The following SPAG16 variants were observed in gnomAD, a reference collection of about 807,000 sequenced individuals.
SPAG16 encodes the protein sperm associated antigen 16, also known as sperm-associated antigen 16 protein.
In SPAG16, 86 loss-of-function variants were observed where a neutral mutation model predicts 80.4. That is an observed-to-expected ratio of 1.07 (90% CI 0.90 to 1.28). The LOEUF is 1.28. Ranked by LOEUF, SPAG16 falls within the 50% of genes most tolerant of loss-of-function variation. The pLI is 0.00. For synonymous variants in SPAG16, 294 were observed against 265.9 expected (o/e 1.11, Z -1.03); for missense variants, 870 against 765.3 (o/e 1.14, Z -1.61).
rs58070679 is a variant in SPAG16, at chr2:213,728,876, C to CAA, written c.1071-133565_1071-133564dup. On this transcript the variant is annotated intron_variant, in intron 10 of 15. Transcript: ENST00000331683. The stretch of plus-strand genomic sequence containing the variant: ...TGGGCGACAGAGTGAGACTCCGTCT[C>CAA]AAAAAAAAAAAAAAAAAAAAAAAAA... Among the ~76,000 whole-genome samples, 45 of 58,462 alleles carry CAA rather than the reference C, an allele frequency of 7.7e-4. 1 individual carries two copies. Among genetic ancestry groups the CAA allele is most frequent in the African/African-American group, 1.4e-3 (17 of 11,990 alleles). The allele number at this position is 58,462 out of a possible 152,430, so 38.4% of individuals were successfully genotyped here. A position where few individuals can be genotyped will look rare whatever the true frequency, so the allele number is the denominator to read the frequency against.
intron 12 of SPAG16, among the ~76,000 whole-genome samples, chr2:213,974,151 T>C (rs2045235422): frequency 6.6e-6 from 1 of 152,116 alleles, no homozygotes; most frequent in South Asian, 2.1e-4. Context: ...TGTAGAGTTT[T>C]GGTGGAAGAT....
intron 15 of SPAG16, among the ~76,000 whole-genome samples, chr2:214,251,251 G>A (rs1290872287): frequency 6.8e-6 from 1 of 147,038 alleles, no homozygotes; most frequent in Non-Finnish European, 1.5e-5. Context: ...GTAAATCTAA[G>A]GCTACAGATT....
intron 10 of SPAG16, among the ~76,000 whole-genome samples, chr2:213,566,928 G>T (rs1488369398): frequency 6.6e-6 from 1 of 152,098 alleles, no homozygotes; most frequent in Non-Finnish European, 1.5e-5. Context: ...CACATCTTTT[G>T]ACTCTAGCAC....
chr2:213,392,110 C>T (rs370177875), intron 9 of SPAG16, among the ~76,000 whole-genome samples: 10 of 152,114 alleles, frequency 6.6e-5, no homozygotes, highest in East Asian at 3.8e-4. Context: ...GTAATTTAAA[C>T]GTAACCATAT....
chr2:213,338,036 A>G (rs1318864086), intron 5 of SPAG16, among the ~76,000 whole-genome samples: 2 of 152,196 alleles, frequency 1.3e-5, no homozygotes, highest in Non-Finnish European at 1.5e-5. Flanking sequence ...CAGAAACCCT[A>G]CAAGCCAGAA....
intron 10 of SPAG16, among the ~76,000 whole-genome samples, chr2:213,857,262 T>C (rs1483514477): frequency 1.3e-5 from 2 of 152,162 alleles, no homozygotes; most frequent in African/African-American, 4.8e-5. Context: ...CAGCCCTTTA[T>C]TGGAAGAACA....
chr2:214,010,237 T>C lies in SPAG16; in HGVS notation c.1401-3714T>C, dbSNP rs781190823. Among the ~76,000 whole-genome samples, 4 of 144,222 alleles carry C rather than the reference T, an allele frequency of 2.8e-5. 1 individual carries two copies. Among genetic ancestry groups the C allele is most frequent in the Non-Finnish European group, 6.0e-5 (4 of 66,764 alleles). The allele number at this position is 144,222 out of a possible 152,430, so 94.6% of individuals were successfully genotyped here. A position where few individuals can be genotyped will look rare whatever the true frequency, so the allele number is the denominator to read the frequency against. Reference sequence around the variant, plus strand: ...GCTCTTCCCCTACCCAACACACAAATAGAATAAACATAATTGAGAGTTATA... The same window carrying C: ...GCTCTTCCCCTACCCAACACACAAACAGAATAAACATAATTGAGAGTTATA... On this transcript the variant is annotated intron_variant, in intron 12 of 15. Transcript: ENST00000331683.
At chr2:213,407,600 AG>A (rs2068689390) in intron 9 of SPAG16, among the ~76,000 whole-genome samples, 1 of 26,824 alleles carries the variant, frequency 3.7e-5, no homozygotes, top group Non-Finnish European at 9.1e-5. Flanking sequence ...GAGACAGGAG[AG>A]AGAGAGAGAG....
intron 15 of SPAG16, among the ~76,000 whole-genome samples, chr2:214,341,662 CTA>C (rs1208999221): frequency 1.3e-5 from 2 of 152,172 alleles, no homozygotes; most frequent in Admixed American, 6.5e-5. Flanking sequence ...TACTTTCAAT[CTA>C]GAATTCTGGA....
At chr2:214,318,972 C>T (rs932012875) in intron 15 of SPAG16, among the ~76,000 whole-genome samples, 5 of 152,192 alleles carry the variant, frequency 3.3e-5, no homozygotes, top group Middle Eastern at 6.8e-3. Flanking sequence ...TTACTTTTTA[C>T]GTTATTTCTT....
chr2:213,855,581 G>C (rs2075116919), intron 10 of SPAG16, among the ~76,000 whole-genome samples: 1 of 152,108 alleles, frequency 6.6e-6, no homozygotes, highest in Admixed American at 6.5e-5. Context: ...AGACATACCT[G>C]AGACTGGGAA....
intron 15 of SPAG16, among the ~76,000 whole-genome samples, chr2:214,261,592 T>C (rs1397576613): frequency 1.3e-5 from 2 of 152,184 alleles, no homozygotes; most frequent in Non-Finnish European, 2.9e-5. Context: ...TGGAACACTA[T>C]CTTATCACAC....
chr2:214,221,752 A>G (rs2125776909), intron 15 of SPAG16, among the ~76,000 whole-genome samples: 1 of 152,326 alleles, frequency 6.6e-6, no homozygotes, highest in East Asian at 1.9e-4. Flanking sequence ...TAAAGAAAGA[A>G]AAATATTTCA....
At chr2:213,675,486 C>G (rs1157092265) in intron 10 of SPAG16, among the ~76,000 whole-genome samples, 1 of 152,092 alleles carries the variant, frequency 6.6e-6, no homozygotes, top group Admixed American at 6.6e-5. Context: ...ATGGTAATGC[C>G]TAGGTTTTCT....
chr2:213,897,179 C>T (rs2077028287), intron 11 of SPAG16, among the ~76,000 whole-genome samples: 1 of 151,978 alleles, frequency 6.6e-6, no homozygotes, highest in Non-Finnish European at 1.5e-5. Flanking sequence ...ATTATTTGTA[C>T]CCTGAAACTA....
intron 9 of SPAG16, among the ~76,000 whole-genome samples, chr2:213,443,334 C>G (rs532583785): frequency 6.6e-6 from 1 of 152,154 alleles, no homozygotes; most frequent in Non-Finnish European, 1.5e-5. Context: ...CTAGTAACCA[C>G]CATTGTATTC....
In SPAG16 at chr2:214,096,202, C is replaced by G. The variant is rs75509135; in HGVS notation, c.1528-11994C>G. On this transcript the variant is annotated intron_variant, in intron 13 of 15. Coordinates refer to ENST00000331683, the MANE Select transcript of SPAG16 (RefSeq NM_024532.5). ...ATTAGTGTTTCCCTCTGCCATTATA[C>G]TATATTTCCTTTGCATTATTTCCAG... Among the ~76,000 whole-genome samples the G allele has an allele frequency of 6.5e-3, 989 of 151,168 alleles. 14 individuals are homozygous for G. Among genetic ancestry groups the G allele is most frequent in the African/African-American group, 0.023 (952 of 41,138 alleles).
Position 214,270,227 on chromosome 2 carries a change from T to C in SPAG16, c.1720+120961T>C, listed in dbSNP as rs73083011. ...AATTAGACATGAAATGGTAACATTA[T>C]TGAACATTGGCTGCATCTTAACCAT... On this transcript the variant is annotated intron_variant, in intron 15 of 15. Coordinates refer to ENST00000331683, the MANE Select transcript of SPAG16 (RefSeq NM_024532.5). Among the ~76,000 whole-genome samples the C allele has an allele frequency of 9.9e-3, 1,514 of 152,312 alleles. 26 individuals are homozygous for C. Among genetic ancestry groups the C allele is most frequent in the African/African-American group, 0.034 (1,416 of 41,564 alleles).
chr2:214,020,357 A>G (rs1028222820), intron 13 of SPAG16, among the ~76,000 whole-genome samples: 2 of 152,180 alleles, frequency 1.3e-5, no homozygotes, highest in African/African-American at 2.4e-5. Flanking sequence ...AATACTTTAT[A>G]TATACACCTG....
Sources: gnomAD v4.1 joint callset for allele counts (sites outside exome capture counted in the v4.1 genomes callset) on GRCh38, gnomAD v4.1.1 for gene constraint, MANE v1.5 for transcripts, NCBI Gene and HGNC (gene_info 2026-07-23, HGNC 2026-07-21) for gene names.